Variants in VEPH1 observed in about 807,000 individuals in gnomAD.
The protein encoded by VEPH1 is ventricular zone-expressed PH domain-containing protein homolog 1.
In VEPH1, 80 loss-of-function variants were observed where a neutral mutation model predicts 85.2. The observed-to-expected ratio is 0.94, with a 90% confidence interval of 0.78 to 1.13. The LOEUF is 1.13. VEPH1 is among the 50% of genes most tolerant of loss of function. The pLI is 0.00. For synonymous variants in VEPH1, 297 were observed against 348.0 expected, an observed-to-expected ratio of 0.85 and a Z score of 1.63; for missense variants, 955 against 980.5, an observed-to-expected ratio of 0.97 and a Z score of 0.35.
At position 157,363,767 on chromosome 3, in the gene VEPH1, G is replaced by T; in HGVS notation, c.1338-6C>A. The T allele has an allele frequency of 6.2e-7, 1 of 1,606,494 alleles. No individual in the cohort carries two copies. ...GGAAAGCCAAACTTTTTGACCTAGA[G>T]TTCAAACAAAGGGAAAGTTAAAGAA... On this transcript the variant is annotated splice_region_variant and splice_polypyrimidine_tract_variant and intron_variant, in intron 8 of 13. Transcript: ENST00000362010.
At chr3:157,288,810 G>A (rs547105371) in intron 11 of VEPH1, among the ~76,000 whole-genome samples, 4 of 152,234 alleles carry the variant, frequency 2.6e-5, no homozygotes, top group South Asian at 2.1e-4. Context: ...ATACTTTTCC[G>A]CATCCTCTAT....
At chr3:157,488,420 G>A (rs1738857812) in intron 2 of VEPH1, among the ~76,000 whole-genome samples, 2 of 151,590 alleles carry the variant, frequency 1.3e-5, no homozygotes, top group Admixed American at 1.3e-4. Context: ...TGACCAATCA[G>A]TGGCATTTGA....
intron 5 of VEPH1, among the ~76,000 whole-genome samples, chr3:157,418,638 C>T (rs1732099928): frequency 6.6e-6 from 1 of 152,062 alleles, no homozygotes; most frequent in African/African-American, 2.4e-5. Context: ...AAGTGAAGGA[C>T]CTCTTTAAGC....
intron 3 of VEPH1, among the ~76,000 whole-genome samples, chr3:157,465,675 G>C (rs1160310398): frequency 6.6e-6 from 1 of 152,200 alleles, no homozygotes; most frequent in Non-Finnish European, 1.5e-5. Flanking sequence ...ACACTAGCAA[G>C]GGCAGAGTTT....
rs575785116 is a variant in VEPH1 at position 157,350,279 on chromosome 3, C to T, written c.1735+13085G>A. On this transcript the variant is annotated intron_variant, in intron 9 of 13. Coordinates refer to ENST00000362010, the MANE Select transcript of VEPH1 (RefSeq NM_001167912.2). ...AAACTCATTGGAAAAAGGATAGTCTCTTCAATAAATGATGCTGCAAAAACT... is the reference window on the plus strand; with the variant it reads ...AAACTCATTGGAAAAAGGATAGTCTTTTCAATAAATGATGCTGCAAAAACT... Among the ~76,000 whole-genome samples the T allele has an allele frequency of 5.3e-5, 8 of 152,236 alleles. No individual in the cohort carries two copies. The South Asian group carries it at 1.5e-3, about 28-fold the overall frequency.
chr3:157,276,858 T>G (rs1182229720), intron 12 of VEPH1, among the ~76,000 whole-genome samples: 3 of 151,444 alleles, frequency 2.0e-5, no homozygotes, highest in Admixed American at 2.0e-4. Context: ...TAGAGACCAA[T>G]AGGAAAAGAT....
At chr3:157,419,205 T>C (rs189364722) in intron 5 of VEPH1, among the ~76,000 whole-genome samples, 5 of 152,262 alleles carry the variant, frequency 3.3e-5, no homozygotes, top group Non-Finnish European at 5.9e-5. Context: ...GACTTAAATG[T>C]AAAACCCCAA....
chr3:157,290,035 A>AACACACACACAC (rs34035101), intron 11 of VEPH1, among the ~76,000 whole-genome samples: 4 of 144,312 alleles, frequency 2.8e-5, no homozygotes, highest in Non-Finnish European at 6.1e-5. Context: ...ATTATACACA[A>AACACACACACAC]ACACACACAC....
chr3:157,371,287 T>A (rs951337311), intron 7 of VEPH1, among the ~76,000 whole-genome samples: 1 of 152,198 alleles, frequency 6.6e-6, no homozygotes, highest in Admixed American at 6.5e-5. Context: ...ACTTGAAATA[T>A]GAATTCTGAG....
intron 4 of VEPH1, among the ~76,000 whole-genome samples, chr3:157,446,631 C>T (rs978295285): frequency 1.3e-5 from 2 of 152,128 alleles, no homozygotes; most frequent in African/African-American, 4.8e-5. Context: ...AATCTCTTCC[C>T]TGAGTTTTAC....
intron 4 of VEPH1, among the ~76,000 whole-genome samples, chr3:157,454,206 G>A (rs1735191924): frequency 6.6e-6 from 1 of 152,018 alleles, no homozygotes; most frequent in South Asian, 2.1e-4. Context: ...TTGCTTTTAT[G>A]GGCTTTAAGC....
intron 4 of VEPH1, chr3:157,437,867 A>C: frequency 6.7e-7 from 1 of 1,502,766 alleles, no homozygotes; most frequent in African/African-American, 1.4e-5. Flanking sequence ...ACGCGAGCCG[A>C]CCTGCACGCG....
intron 11 of VEPH1, among the ~76,000 whole-genome samples, chr3:157,306,368 GT>G (rs1719509866): frequency 6.6e-6 from 1 of 152,012 alleles, no homozygotes; most frequent in South Asian, 2.1e-4. Context: ...TGCTTGGTGT[GT>G]TTTAAAAATT....
chr3:157,287,661 T>A (rs1400619840), intron 11 of VEPH1, among the ~76,000 whole-genome samples: 1 of 152,024 alleles, frequency 6.6e-6, no homozygotes, highest in Non-Finnish European at 1.5e-5. Context: ...ACCTCCTGGG[T>A]TCAAGTGATT....
At chr3:157,278,410 G>C (rs1237243692) in intron 12 of VEPH1, among the ~76,000 whole-genome samples, 1 of 152,202 alleles carries the variant, frequency 6.6e-6, no homozygotes. Context: ...AAAGCAAAGA[G>C]AGCAGAGGGA....
At chr3:157,413,719 G>A in intron 6 of VEPH1, 162 bp downstream of exon 6, 1 of 941,156 alleles carries the variant, frequency 1.1e-6, no homozygotes, top group Non-Finnish European at 1.3e-6. Context: ...GTATGTCATA[G>A]AACTCCCAGA....
chr3:157,452,498 C>A (rs1450590131), intron 4 of VEPH1, among the ~76,000 whole-genome samples: 1 of 152,142 alleles, frequency 6.6e-6, no homozygotes, highest in Non-Finnish European at 1.5e-5. Context: ...TCAATTTTGT[C>A]CAGAGATAAA....
intron 6 of VEPH1, among the ~76,000 whole-genome samples, chr3:157,388,254 T>C (rs1729507768): frequency 6.6e-6 from 1 of 152,208 alleles, no homozygotes. Context: ...AGCCTGAGTG[T>C]GGCCAGTGAT....
intron 11 of VEPH1, among the ~76,000 whole-genome samples, chr3:157,305,036 A>ATCTATCTATC (rs1719307763): frequency 1.6e-3 from 230 of 139,572 alleles, no homozygotes; most frequent in African/African-American, 5.8e-3. Context: ...GTGTATTGTT[A>ATCTATCTATC]TATCTATCTA....
Sources: gnomAD v4.1 joint callset for allele counts (sites outside exome capture counted in the v4.1 genomes callset) on GRCh38, gnomAD v4.1.1 for gene constraint, MANE v1.5 for transcripts, NCBI Gene and HGNC (gene_info 2026-07-23, HGNC 2026-07-21) for gene names.